The following KCNK2 variants were observed in gnomAD, a reference collection of about 807,000 sequenced individuals.
The protein encoded by KCNK2 is potassium channel subfamily K member 2.
Under a neutral mutation model 40.5 loss-of-function variants are expected in KCNK2, and 21 were observed. The observed-to-expected ratio is 0.52, with a 90% CI of 0.37 to 0.75. The LOEUF is 0.75. Among genes scored for constraint, KCNK2 ranks in the 30% least tolerant of loss-of-function variants. The pLI, the probability that KCNK2 is intolerant of heterozygous loss-of-function variation, is 0.00. For missense variants in KCNK2, 399 were observed against 531.6 expected, an observed-to-expected ratio of 0.75 and a Z score of 2.45; for synonymous variants, 191 against 202.2, an observed-to-expected ratio of 0.94 and a Z score of 0.47.
At chr1:215,007,227 AGGC>A (rs1656214112) in intron 1 of KCNK2, among the ~76,000 whole-genome samples, 1 of 95,772 alleles carries the variant, frequency 1.0e-5, no homozygotes, top group Non-Finnish European at 2.1e-5. Flanking sequence ...ATATATATAT[AGGC>A]TCATTTCCAA....
In KCNK2 at chr1:215,209,736, A is replaced by T. The variant is rs374763738; in HGVS notation, c.963+14644A>T. Among the ~76,000 whole-genome samples, 4 of 4,372 alleles carry T rather than the reference A, an allele frequency of 9.1e-4. 1 individual carries two copies. The highest frequency in any genetic ancestry group is 0.25 in the Middle Eastern group (1 of 4). 2.9% of individuals were successfully genotyped at this position (4,372 alleles called of 152,430 possible). ...ATATATAATATATATAAAATATATA[A>T]TATATATAAATATATATTATATATA... On this transcript the variant is annotated intron_variant, in intron 6 of 6. Transcript: ENST00000444842.
At chr1:215,058,731 C>T (rs1658254801) in intron 1 of KCNK2, among the ~76,000 whole-genome samples, 1 of 152,178 alleles carries the variant, frequency 6.6e-6, no homozygotes, top group Non-Finnish European at 1.5e-5. Flanking sequence ...CCACTTTTCT[C>T]CTTGCAATCT....
At chr1:215,196,162 C>A (rs1392690071) in intron 6 of KCNK2, among the ~76,000 whole-genome samples, 1 of 151,692 alleles carries the variant, frequency 6.6e-6, no homozygotes, top group African/African-American at 2.4e-5. Context: ...AAGCTCACTG[C>A]AATCTCTGCC....
chr1:215,012,359 T>C (rs746997266), intron 1 of KCNK2, among the ~76,000 whole-genome samples: 6 of 152,218 alleles, frequency 3.9e-5, no homozygotes, highest in Admixed American at 1.3e-4. Context: ...CCCGTTCTAA[T>C]AGGTGTATAG....
intron 4 of KCNK2, 45 bp downstream of exon 4, chr1:215,169,404 T>C (rs992924161): frequency 4.8e-6 from 7 of 1,449,848 alleles, no homozygotes; most frequent in South Asian, 1.3e-5. Flanking sequence ...TTGTTTGATT[T>C]TTTTAAAAAA....
chr1:215,065,084 C>T (rs575588423), intron 1 of KCNK2, among the ~76,000 whole-genome samples: 2 of 152,088 alleles, frequency 1.3e-5, no homozygotes, highest in East Asian at 1.9e-4. Flanking sequence ...GGAAATTAGA[C>T]GTTATATAAT....
At position 215,083,430 on chromosome 1, in the gene KCNK2, A is replaced by T; in HGVS notation, c.45A>T (p.Gly15=). 6.2e-7 allele frequency: 1 copy of T among 1,611,492 alleles called. No individual in the cohort carries two copies. The highest frequency in any genetic ancestry group is 8.5e-7 in the Non-Finnish European group (1 of 1,178,016). Residue 15 remains glycine (G), a splice_region_variant and synonymous_variant, in exon 1 of 7, where the codon GGA becomes GGT. Coordinates refer to ENST00000444842, the MANE Select transcript of KCNK2 (RefSeq NM_001017425.3). The part of the protein sequence containing the change: ...ASRERPGYRA[G]VAAPDLLDPK... ...GGGAGAGACCCGGCTATAGAGCAGG[A>T]GGTGAGACCCCCCCTCCGGTACCCC... is the stretch of plus-strand genomic sequence containing the variant.
intron 3 of KCNK2, among the ~76,000 whole-genome samples, chr1:215,132,411 T>A (rs1250765973): frequency 6.6e-6 from 1 of 152,222 alleles, no homozygotes; most frequent in Non-Finnish European, 1.5e-5. Flanking sequence ...GTCTCTTGCA[T>A]GTTCTCAGAG....
At chr1:215,183,632 T>C (rs1664316453) in intron 5 of KCNK2, among the ~76,000 whole-genome samples, 1 of 152,150 alleles carries the variant, frequency 6.6e-6, no homozygotes, top group Non-Finnish European at 1.5e-5. Context: ...TAAAAGTAAG[T>C]GTGCTAATCT....
intron 2 of KCNK2, among the ~76,000 whole-genome samples, chr1:215,119,794 T>C (rs1289096866): frequency 6.6e-6 from 1 of 152,174 alleles, no homozygotes; most frequent in Non-Finnish European, 1.5e-5. Flanking sequence ...AGTGAAATTT[T>C]ATTATCTATT....
At chr1:215,127,263 A>G (rs368128372) in intron 3 of KCNK2, among the ~76,000 whole-genome samples, 2 of 152,056 alleles carry the variant, frequency 1.3e-5, no homozygotes, top group East Asian at 1.9e-4. Flanking sequence ...AATTTCATCA[A>G]TTTTTCTAAG....
At chr1:215,049,112 A>G (rs1352168145) in intron 1 of KCNK2, among the ~76,000 whole-genome samples, 1 of 152,222 alleles carries the variant, frequency 6.6e-6, no homozygotes, top group Non-Finnish European at 1.5e-5. Flanking sequence ...CATCAGCGTT[A>G]TATGAGTGAT....
rs564891080 is a variant in KCNK2, at chr1:215,102,912, C to T, written c.357+16234C>T. Among the ~76,000 whole-genome samples the T allele has an allele frequency of 3.9e-5, 6 of 152,028 alleles. No homozygotes were observed. The South Asian group carries it at 1.2e-3, about 32-fold the overall frequency. ...TGAAGTTCACACAAGGATGAAATTG[C>T]TTAAGGATGCATTTTTCAGAACAGA... On this transcript the variant is annotated intron_variant, in intron 2 of 6. Transcript: ENST00000444842.
At chr1:215,217,260 A>G (rs1307875973) in intron 6 of KCNK2, among the ~76,000 whole-genome samples, 1 of 152,148 alleles carries the variant, frequency 6.6e-6, no homozygotes, top group East Asian at 1.9e-4. Flanking sequence ...TACATGGGAG[A>G]GTTTTAAGAC....
chr1:215,194,393 A>G (rs1442654304), intron 5 of KCNK2, among the ~76,000 whole-genome samples: 1 of 152,122 alleles, frequency 6.6e-6, no homozygotes, highest in Non-Finnish European at 1.5e-5. Flanking sequence ...GCAAATTTCT[A>G]TTTGTTTTCA....
At chr1:215,131,109 C>T (rs1661656305) in intron 3 of KCNK2, among the ~76,000 whole-genome samples, 1 of 151,366 alleles carries the variant, frequency 6.6e-6, no homozygotes, top group Non-Finnish European at 1.5e-5. Context: ...ATCCGCCCGC[C>T]TCGGCCTCCC....
intron 1 of KCNK2, among the ~76,000 whole-genome samples, chr1:215,070,167 T>C (rs1049693397): frequency 1.3e-5 from 2 of 151,742 alleles, no homozygotes; most frequent in African/African-American, 4.8e-5. Flanking sequence ...TCCCAGCACT[T>C]TGGGAGGCCG....
chr1:215,006,762 T>C (rs1166346887), intron 1 of KCNK2, among the ~76,000 whole-genome samples: 2 of 151,898 alleles, frequency 1.3e-5, no homozygotes, highest in Non-Finnish European at 2.9e-5. Context: ...CCTGTTTGTA[T>C]AGTAATCATT....
rs1219892368 is a variant in KCNK2, at chr1:215,082,797, G to T, written c.-589G>T. ...GAAGGGAGAGCAGCGGAGGGCTGCA[G>T]AGCTGCGGGCGCCCGGACCGTGCCA... On this transcript the variant is annotated 5_prime_UTR_variant, in exon 1 of 7. Transcript: ENST00000444842. Among the ~76,000 whole-genome samples the T allele has an allele frequency of 6.6e-6, 1 of 152,086 alleles. No individual in the cohort carries two copies. The highest frequency in any genetic ancestry group is 1.5e-5 in the Non-Finnish European group (1 of 68,002).
Sources: allele counts gnomAD v4.1 joint callset (sites outside exome capture counted in the v4.1 genomes callset), GRCh38; gene constraint gnomAD v4.1.1; transcripts MANE v1.5; gene names NCBI Gene and HGNC (gene_info 2026-07-23, HGNC 2026-07-21).